Variants in SLC44A1 observed in about 807,000 individuals in gnomAD.
The protein encoded by SLC44A1 is solute carrier family 44 member 1, also known as choline transporter-like protein 1.
SLC44A1 carries 26 observed loss-of-function variants against 79.3 expected under a neutral mutation model. That is an observed-to-expected ratio of 0.33 (90% CI 0.24 to 0.46). SLC44A1 has a LOEUF of 0.46. Ranked by LOEUF, SLC44A1 falls within the 20% of genes least tolerant of loss-of-function variation. The probability of loss-of-function intolerance (pLI) is 1.00; values close to 1 mark genes in which losing one functional copy is unlikely to be tolerated. For synonymous variants in SLC44A1, 263 were observed against 286.2 expected (o/e 0.92, Z 0.82); for missense variants, 688 against 798.1 (o/e 0.86, Z 1.66).
chr9:105,311,158 GTA>G (rs1448265227), intron 3 of SLC44A1, among the ~76,000 whole-genome samples: 4 of 152,082 alleles, frequency 2.6e-5, no homozygotes, highest in Non-Finnish European at 5.9e-5. Flanking sequence ...ATTTTAGACT[GTA>G]TGTTATTTCT....
chr9:105,419,460 G>C (rs906381444), intron 15 of SLC44A1, among the ~76,000 whole-genome samples: 4 of 152,222 alleles, frequency 2.6e-5, no homozygotes, highest in Non-Finnish European at 4.4e-5. Context: ...AAGACCATAT[G>C]TTGCAATCTG....
intron 13 of SLC44A1, among the ~76,000 whole-genome samples, chr9:105,375,084 C>T (rs867356383): frequency 5.3e-5 from 8 of 152,214 alleles, no homozygotes; most frequent in Non-Finnish European, 2.9e-5. Flanking sequence ...TCTTGTCGCC[C>T]AGGCTGGAAT....
Position 105,397,290 on chromosome 9 carries a change from T to G in SLC44A1, c.*8234T>G. 1 of 981,942 alleles carries G rather than the reference T, an allele frequency of 1.0e-6. No individual in the cohort carries two copies. 60.8% of individuals were successfully genotyped at this position (981,942 alleles called of 1,614,324 possible). A position where few individuals can be genotyped will look rare whatever the true frequency, so the allele number is the denominator to read the frequency against. On this transcript the variant is annotated 3_prime_UTR_variant, in exon 16 of 16. Transcript: ENST00000374720. ...CAGAATTATAATGAAAACTGTATTT[T>G]AGTCTAACAAATGTATAGAATTTTT...
chr9:105,246,349 A>G (rs1012130126), intron 1 of SLC44A1, among the ~76,000 whole-genome samples: 11 of 149,986 alleles, frequency 7.3e-5, no homozygotes, highest in Non-Finnish European at 1.5e-4. Context: ...TTAGGTATCC[A>G]TCCTATCATC....
At chr9:105,351,214 TG>T (rs1385193098) in intron 5 of SLC44A1, among the ~76,000 whole-genome samples, 2 of 152,158 alleles carry the variant, frequency 1.3e-5, no homozygotes, top group Non-Finnish European at 2.9e-5. Context: ...GGGGAATTAA[TG>T]ATACAATAAT....
At chr9:105,400,701 GC>G (rs1828947625), downstream of SLC44A1, among the ~76,000 whole-genome samples, 3 of 152,110 alleles carry the variant, frequency 2.0e-5, no homozygotes, top group African/African-American at 7.2e-5. Context: ...ATTTAGAAAT[GC>G]TTACAAAGCC....
At chr9:105,296,122 T>C (rs755491252) in intron 1 of SLC44A1, among the ~76,000 whole-genome samples, 19 of 152,194 alleles carry the variant, frequency 1.2e-4, no homozygotes, top group Non-Finnish European at 2.2e-4. Context: ...TGATGAATAA[T>C]AATAACCAAG....
At chr9:105,352,087 C>A (rs1827466966) in intron 5 of SLC44A1, among the ~76,000 whole-genome samples, 1 of 151,946 alleles carries the variant, frequency 6.6e-6, no homozygotes, top group African/African-American at 2.4e-5. Flanking sequence ...ATAGCAAGAC[C>A]CTCTCTCTCT....
chr9:105,406,318 C>T (rs1033343012), intron 15 of SLC44A1, among the ~76,000 whole-genome samples: 3 of 151,972 alleles, frequency 2.0e-5, no homozygotes, highest in Non-Finnish European at 4.4e-5. Context: ...AACTACAAAC[C>T]CTAGGGAGGA....
In SLC44A1 at chr9:105,275,817, T is replaced by C. The variant is rs1321918385; in HGVS notation, c.37-23403T>C. On this transcript the variant is annotated intron_variant, in intron 1 of 15. Coordinates refer to ENST00000374720, the MANE Select transcript of SLC44A1 (RefSeq NM_080546.5). Reference sequence around the variant, plus strand: ...CATGGAAGAACAATTTTTTTTTTTTTTTTTTGAGACGGAGTGCCGCTCTGT... The same window carrying C: ...CATGGAAGAACAATTTTTTTTTTTTCTTTTTGAGACGGAGTGCCGCTCTGT... Among the ~76,000 whole-genome samples, 3 of 151,850 alleles carry C rather than the reference T, an allele frequency of 2.0e-5. No homozygotes were observed. The East Asian group carries it at 5.8e-4, about 29-fold the overall frequency.
At position 105,389,180 on chromosome 9, in the gene SLC44A1, T is replaced by A; in HGVS notation, c.*124T>A. 3 of 1,420,798 alleles carry A rather than the reference T, an allele frequency of 2.1e-6. No homozygotes were observed. In the Admixed American group the frequency reaches 6.2e-5, roughly 29 times the overall value. 88.0% of individuals were successfully genotyped at this position (1,420,798 alleles called of 1,614,324 possible). A position where few individuals can be genotyped will look rare whatever the true frequency, so the allele number is the denominator to read the frequency against. ...ATGTGTGTATATATGTATATGTATATACACACACACACATAAATCAGCCAA... is the reference window on the plus strand; with the variant it reads ...ATGTGTGTATATATGTATATGTATAAACACACACACACATAAATCAGCCAA... On this transcript the variant is annotated 3_prime_UTR_variant, in exon 16 of 16. Transcript: ENST00000374720.
chr9:105,385,176 T>C (rs568825397), intron 14 of SLC44A1, among the ~76,000 whole-genome samples: 1 of 152,340 alleles, frequency 6.6e-6, no homozygotes, highest in African/African-American at 2.4e-5. Flanking sequence ...ACATTATCTC[T>C]TGGAGCCTTA....
In SLC44A1 at chr9:105,389,829, T is replaced by A. The variant is rs899718088; in HGVS notation, c.*773T>A. 2.8e-6 allele frequency: 4 copies of A among 1,439,334 alleles called. No individual in the cohort carries two copies. The highest frequency in any genetic ancestry group is 6.0e-5 in the Admixed American group (2 of 33,256). The allele number at this position is 1,439,334 out of a possible 1,614,324, so 89.2% of individuals were successfully genotyped here. On this transcript the variant is annotated 3_prime_UTR_variant, in exon 16 of 16. Transcript: ENST00000374720. Reference sequence around the variant, plus strand: ...GACTTTAGTAGCATCCTCCACACATTTGTGTGCCTGATTTGAAAGGAAGCT... The same window carrying A: ...GACTTTAGTAGCATCCTCCACACATATGTGTGCCTGATTTGAAAGGAAGCT...
intron 12 of SLC44A1, among the ~76,000 whole-genome samples, chr9:105,368,963 G>A (rs1828021522): frequency 6.6e-6 from 1 of 152,142 alleles, no homozygotes; most frequent in Non-Finnish European, 1.5e-5. Context: ...GCTTGAACCT[G>A]GGAGGTGGAG....
intron 15 of SLC44A1, among the ~76,000 whole-genome samples, chr9:105,421,179 T>A (rs10991655): frequency 5.9e-5 from 9 of 152,182 alleles, no homozygotes; most frequent in Non-Finnish European, 1.3e-4. Context: ...AAATATATGA[T>A]GTGATAAATG....
chr9:105,358,743 GT>G (rs1164881599), intron 7 of SLC44A1, among the ~76,000 whole-genome samples: 4 of 152,094 alleles, frequency 2.6e-5, no homozygotes, highest in African/African-American at 9.7e-5. Flanking sequence ...TCACTGGTAT[GT>G]TTGGTCTTAC....
rs554577489 is a variant in SLC44A1, at chr9:105,409,374, A to G, written c.1950+23872A>G. On this transcript the variant is annotated intron_variant, in intron 15 of 15. Coordinates refer to the SLC44A1 transcript ENST00000374724. The stretch of plus-strand genomic sequence containing the variant: ...TAGTCATAAAAGGAACAATGCATCA[A>G]TAACATATAGCAATTATAAACATAT... Among the ~76,000 whole-genome samples, 11 of 152,352 alleles carry G rather than the reference A, an allele frequency of 7.2e-5. 1 individual carries two copies. The highest frequency in any genetic ancestry group is 2.4e-4 in the African/African-American group (10 of 41,576).
chr9:105,276,299 G>T (rs1368419443), intron 1 of SLC44A1, among the ~76,000 whole-genome samples: 1 of 152,142 alleles, frequency 6.6e-6, no homozygotes, highest in Non-Finnish European at 1.5e-5. Context: ...GATTTGTGAA[G>T]ATTAAGGTGA....
intron 3 of SLC44A1, among the ~76,000 whole-genome samples, chr9:105,333,912 G>T (rs1254886130): frequency 6.6e-6 from 1 of 152,082 alleles, no homozygotes. Flanking sequence ...TTGATTCAAA[G>T]GTTTTGTGAC....
Sources: allele counts gnomAD v4.1 joint callset (sites outside exome capture counted in the v4.1 genomes callset), GRCh38; gene constraint gnomAD v4.1.1; transcripts MANE v1.5; gene names NCBI Gene and HGNC (gene_info 2026-07-23, HGNC 2026-07-21).